Variants in BICD1 observed in about 807,000 individuals in gnomAD.
BICD1 encodes protein bicaudal D homolog 1.
In BICD1, 35 loss-of-function variants were observed where a neutral mutation model predicts 92.5. The ratio of observed to expected loss-of-function variants is 0.38; its 90% CI spans 0.29 to 0.50. The LOEUF (loss-of-function observed/expected upper bound fraction) is 0.50, where lower values mean the gene tolerates loss of function less well. BICD1 is among the 20% of genes least tolerant of loss of function. The pLI is 0.93. For missense variants in BICD1, 950 were observed against 1,189.8 expected (o/e 0.80, Z 2.97); for synonymous variants, 429 against 465.1 (o/e 0.92, Z 1.00).
At chr12:32,339,351 T>G in intron 8 of BICD1, 2 of 996,356 alleles carry the variant, frequency 2.0e-6, no homozygotes, top group Non-Finnish European at 2.4e-6. Context: ...TTAATGTAAT[T>G]TCCGTAAAGG....
At chr12:32,339,037 C>T in intron 8 of BICD1, 58 bp downstream of exon 8, 1 of 1,479,986 alleles carries the variant, frequency 6.8e-7, no homozygotes, top group Non-Finnish European at 8.9e-7. Context: ...TAGACTCTCC[C>T]CTTCCTTCCG....
intron 1 of BICD1, among the ~76,000 whole-genome samples, chr12:32,168,906 G>A (rs936219406): frequency 6.6e-6 from 1 of 152,070 alleles, no homozygotes; most frequent in Admixed American, 6.5e-5. Context: ...AGGTTGCATT[G>A]AGCCGAGATC....
intron 8 of BICD1, among the ~76,000 whole-genome samples, chr12:32,348,980 C>T (rs1282226511): frequency 3.3e-5 from 5 of 151,974 alleles, no homozygotes; most frequent in South Asian, 2.1e-4. Flanking sequence ...GAGAATAGCC[C>T]GTATTCCACC....
At chr12:32,244,865 G>C (rs1261457088) in intron 2 of BICD1, among the ~76,000 whole-genome samples, 1 of 152,092 alleles carries the variant, frequency 6.6e-6, no homozygotes, top group Non-Finnish European at 1.5e-5. Flanking sequence ...TTAATCTCGT[G>C]ATCTGCCTGC....
chr12:32,120,731 A>T (rs551607524), intron 1 of BICD1, among the ~76,000 whole-genome samples: 1 of 150,824 alleles, frequency 6.6e-6, no homozygotes, highest in Non-Finnish European at 1.5e-5. Context: ...TGTCTTGCAG[A>T]TTATCTCTTT....
chr12:32,295,126 TC>T (rs1947833623), intron 3 of BICD1, among the ~76,000 whole-genome samples: 1 of 151,916 alleles, frequency 6.6e-6, no homozygotes, highest in Non-Finnish European at 1.5e-5. Context: ...GTTTTCTTTT[TC>T]AGCTGTAACC....
chr12:32,379,504 C>G lies in BICD1; in HGVS notation c.*1877C>G, dbSNP rs1940110430. The G allele has an allele frequency of 6.6e-6, 1 of 152,212 alleles. No homozygotes were observed. 9.4% of individuals were successfully genotyped at this position (152,212 alleles called of 1,614,324 possible). On this transcript the variant is annotated 3_prime_UTR_variant, in exon 10 of 10. Coordinates refer to ENST00000652176, the MANE Select transcript of BICD1 (RefSeq NM_001714.4). ...ACATGAAGTTCCCAACCATAGCAGC[C>G]TAACCTTCTGCTCTTTTCTACCTGC...
chr12:32,127,745 C>T (rs762429878), intron 1 of BICD1, among the ~76,000 whole-genome samples: 2 of 152,056 alleles, frequency 1.3e-5, no homozygotes, highest in Non-Finnish European at 2.9e-5. Context: ...TGTTTATTTC[C>T]GTTTCCCCAA....
chr12:32,252,033 A>AGT (rs1946544251), intron 2 of BICD1, among the ~76,000 whole-genome samples: 2 of 102,468 alleles, frequency 2.0e-5, no homozygotes, highest in Non-Finnish European at 3.5e-5. Context: ...ATATATTTAT[A>AGT]ATATATATTT....
chr12:32,174,337 G>A (rs1403312677), intron 1 of BICD1, among the ~76,000 whole-genome samples: 1 of 151,782 alleles, frequency 6.6e-6, no homozygotes, highest in African/African-American at 2.4e-5. Flanking sequence ...GTATTTTTCA[G>A]TTAAAGTGTA....
chr12:32,367,610 T>C, intron 8 of BICD1, 60 bp from the exon 9 acceptor site: 1 of 1,508,584 alleles, frequency 6.6e-7, no homozygotes, highest in African/African-American at 1.4e-5. Flanking sequence ...TAGTCACTGT[T>C]ACTAACACCT....
At chr12:32,253,436 C>CT (rs1221495107) in intron 2 of BICD1, among the ~76,000 whole-genome samples, 1 of 151,954 alleles carries the variant, frequency 6.6e-6, no homozygotes, top group East Asian at 1.9e-4. Flanking sequence ...TTCAAAAGGA[C>CT]TCAAAATATA....
chr12:32,298,025 C>G (rs1399471914), intron 3 of BICD1, among the ~76,000 whole-genome samples: 1 of 151,108 alleles, frequency 6.6e-6, no homozygotes, highest in East Asian at 2.0e-4. Context: ...CTACCAACAA[C>G]AAAAAAAATT....
intron 2 of BICD1, among the ~76,000 whole-genome samples, chr12:32,243,264 A>ATTTTTTTTTTTTTTT (rs71068310): frequency 0.024 from 1,804 of 73,852 alleles, 65 homozygotes; most frequent in Non-Finnish European, 0.033. Flanking sequence ...TGCCTGGCTA[A>ATTTTTTTTTTTTTTT]TTTTTTTTTT....
intron 3 of BICD1, among the ~76,000 whole-genome samples, chr12:32,301,560 G>C (rs1052322338): frequency 6.6e-6 from 1 of 151,772 alleles, no homozygotes; most frequent in Non-Finnish European, 1.5e-5. Flanking sequence ...GGATTGCTTC[G>C]GTCCAGGAGT....
rs1406176934 is a variant in BICD1 at position 32,313,486 on chromosome 12, AGT to A, written c.1005+7366_1005+7367del. ...TTAGTTCAAGGTCAAAAATCTAGTA[AGT>A]GGAGTTGCTACACAGAGACAGTCGA... On this transcript the variant is annotated intron_variant, in intron 4 of 9. Coordinates refer to ENST00000652176, the MANE Select transcript of BICD1 (RefSeq NM_001714.4). The surrounding 1 kb of genome is among the most constrained non-coding windows in gnomAD (Gnocchi z 4.2). Among the ~76,000 whole-genome samples the A allele has an allele frequency of 6.6e-6, 1 of 152,214 alleles. No homozygotes were observed. Among genetic ancestry groups the A allele is most frequent in the African/African-American group, 2.4e-5 (1 of 41,454 alleles).
intron 2 of BICD1, among the ~76,000 whole-genome samples, chr12:32,274,223 T>C (rs1160010142): frequency 6.6e-6 from 1 of 152,218 alleles, no homozygotes; most frequent in Non-Finnish European, 1.5e-5. Flanking sequence ...AGACTTCTAA[T>C]ATGATTGTAG....
rs767577430 is a variant in BICD1, at chr12:32,338,950, A to G, written c.2735A>G (p.Lys912Arg). The change falls in exon 8 of 10, where the codon AAG becomes AGG. Residue 912 changes from lysine to arginine, a missense_variant. Physicochemically the swap from Lys to Arg is conservative, Grantham distance 26. This residue lies in a region of BICD1 where 179 missense variants were observed against 186.7 expected (regional missense o/e 0.96). Transcript: ENST00000652176. Reference sequence around the variant, plus strand: ...TTCATCCAAGGGCACCGGCTCAGCAAGGAAAAAAGGTTAACCGTGGCTCCA... The same window carrying G: ...TTCATCCAAGGGCACCGGCTCAGCAGGGAAAAAAGGTTAACCGTGGCTCCA... ...SEFIQGHRLS[K>R]EKRLTVAPPD... 7 of 1,603,220 alleles carry G rather than the reference A, an allele frequency of 4.4e-6. No homozygotes were observed. The Admixed American group carries it at 1.0e-4, about 24-fold the overall frequency.
At chr12:32,182,909 T>TTA (rs1565571045) in intron 1 of BICD1, among the ~76,000 whole-genome samples, 4 of 130,180 alleles carry the variant, frequency 3.1e-5, no homozygotes, top group Admixed American at 8.0e-5. Context: ...TTTTTTTTTT[T>TTA]AAAGAGATAG....
Sources: allele counts gnomAD v4.1 joint callset (sites outside exome capture counted in the v4.1 genomes callset), GRCh38; gene constraint gnomAD v4.1.1; regional missense constraint gnomAD v4.1.1; non-coding constraint Gnocchi (gnomAD v3.1); transcripts MANE v1.5; gene names NCBI Gene and HGNC (gene_info 2026-07-23, HGNC 2026-07-21).